The following GRIA4 variants were observed in gnomAD, a reference collection of about 807,000 sequenced individuals.
The protein encoded by GRIA4 is glutamate ionotropic receptor AMPA type subunit 4, also known as glutamate receptor 4.
A neutral mutation model predicts 104.0 loss-of-function variants in GRIA4; 34 were observed. That is an observed-to-expected ratio of 0.33 (90% confidence interval 0.25 to 0.44). The LOEUF (loss-of-function observed/expected upper bound fraction) is 0.44, where lower values mean the gene tolerates loss of function less well. GRIA4 is among the 20% of genes least tolerant of loss of function. The pLI is 1.00. For synonymous variants in GRIA4, 386 were observed against 381.9 expected (o/e 1.01, Z -0.13); for missense variants, 750 against 1,096.5 (o/e 0.68, Z 4.46).
chr11:105,787,676 C>A (rs919558668), intron 4 of GRIA4, among the ~76,000 whole-genome samples: 1 of 92 alleles, frequency 0.011, no homozygotes, highest in South Asian at 0.17. Flanking sequence ...GGTGTTTCAC[C>A]ATGTTGCCAG....
At chr11:105,869,870 C>T (rs1231641616) in intron 5 of GRIA4, among the ~76,000 whole-genome samples, 1 of 151,958 alleles carries the variant, frequency 6.6e-6, no homozygotes, top group African/African-American at 2.4e-5. Context: ...CAGATTTTCT[C>T]CAATCTCATA....
intron 16 of GRIA4, 69 bp from the exon 17 acceptor site, chr11:105,979,506 C>A: frequency 7.5e-7 from 1 of 1,331,386 alleles, no homozygotes; most frequent in Non-Finnish European, 1.1e-6. Context: ...TGTTGTGGAA[C>A]ATATTGTTGA....
At chr11:105,754,693 C>A (rs1021629068) in intron 4 of GRIA4, among the ~76,000 whole-genome samples, 22 of 152,144 alleles carry the variant, frequency 1.4e-4, no homozygotes, top group African/African-American at 5.3e-4. Context: ...TATTTAGTGA[C>A]TAGACTCATA....
chr11:105,632,066 T>C (rs1565417697), intron 3 of GRIA4, among the ~76,000 whole-genome samples: 1 of 152,152 alleles, frequency 6.6e-6, no homozygotes, highest in Non-Finnish European at 1.5e-5. Flanking sequence ...AATTCAGGAC[T>C]TTAGAAGCAA....
At chr11:105,669,314 A>G (rs910072749) in intron 3 of GRIA4, among the ~76,000 whole-genome samples, 4 of 152,040 alleles carry the variant, frequency 2.6e-5, no homozygotes, top group African/African-American at 9.7e-5. Context: ...TTTCTAATGT[A>G]TATGTAAATG....
At chr11:105,953,080 T>C (rs181225218) in intron 14 of GRIA4, among the ~76,000 whole-genome samples, 140 of 152,340 alleles carry the variant, frequency 9.2e-4, no homozygotes, top group Admixed American at 5.2e-3. Flanking sequence ...AGAAAAGTAA[T>C]AACACAGCTA....
At chr11:105,960,206 C>T (rs1948701380) in intron 14 of GRIA4, among the ~76,000 whole-genome samples, 1 of 152,212 alleles carries the variant, frequency 6.6e-6, no homozygotes, top group Admixed American at 6.5e-5. Context: ...CTCAGAACTA[C>T]CAGGAGGAGA....
chr11:105,713,624 A>C (rs1168890650), intron 3 of GRIA4, among the ~76,000 whole-genome samples: 1 of 152,152 alleles, frequency 6.6e-6, no homozygotes, highest in Non-Finnish European at 1.5e-5. Context: ...TGTGGGGATA[A>C]AAGCTTTCAA....
chr11:105,654,013 A>G (rs1206623372), intron 3 of GRIA4, among the ~76,000 whole-genome samples: 1 of 147,732 alleles, frequency 6.8e-6, no homozygotes, highest in East Asian at 2.0e-4. Context: ...AAAAAAAAAA[A>G]AAAAAAAAAA....
intron 16 of GRIA4, among the ~76,000 whole-genome samples, chr11:105,977,429 C>T (rs1285913289): frequency 2.0e-5 from 3 of 151,852 alleles, no homozygotes; most frequent in Non-Finnish European, 4.4e-5. Flanking sequence ...GGATTAGACT[C>T]GTGGATATTC....
At position 105,627,625 on chromosome 11, in the gene GRIA4, T is replaced by C. The variant is rs537736336; in HGVS notation, c.247+15191T>C. Reference sequence around the variant, plus strand: ...TTGTAAGACCCATTTTGGTATGTAATTCTGCTCACTGTTTTTCAGCAAGAA... The same window carrying C: ...TTGTAAGACCCATTTTGGTATGTAACTCTGCTCACTGTTTTTCAGCAAGAA... On this transcript the variant is annotated intron_variant, in intron 3 of 16. Transcript: ENST00000282499. 8.3e-4 allele frequency among the ~76,000 whole-genome samples: 126 copies of C among 152,310 alleles called. 1 individual carries two copies. The highest frequency in any genetic ancestry group is 3.0e-3 in the African/African-American group (124 of 41,578).
intron 14 of GRIA4, among the ~76,000 whole-genome samples, chr11:105,970,945 C>G (rs970964065): frequency 6.6e-6 from 1 of 152,076 alleles, no homozygotes. Context: ...TGATGTCCTC[C>G]TCCCTGAAAC....
chr11:105,623,663 A>G (rs955316140), intron 3 of GRIA4, among the ~76,000 whole-genome samples: 3 of 152,052 alleles, frequency 2.0e-5, no homozygotes, highest in Non-Finnish European at 4.4e-5. Flanking sequence ...CTCAGGTTAA[A>G]TGTCACCTTC....
chr11:105,775,202 C>T (rs535416976), intron 4 of GRIA4, among the ~76,000 whole-genome samples: 5 of 152,052 alleles, frequency 3.3e-5, no homozygotes, highest in Non-Finnish European at 5.9e-5. Context: ...ACAATTGTGA[C>T]GACAGAGCCA....
At chr11:105,933,614 G>T (rs1947947632) in intron 13 of GRIA4, 108 bp from the exon 14 acceptor site, 1 of 740,906 alleles carries the variant, frequency 1.3e-6, no homozygotes, top group Non-Finnish European at 2.2e-6. Context: ...ATTGGAGTTA[G>T]AGAGCAATGG....
intron 3 of GRIA4, among the ~76,000 whole-genome samples, chr11:105,659,790 T>C (rs1951951825): frequency 6.6e-6 from 1 of 151,830 alleles, no homozygotes; most frequent in Non-Finnish European, 1.5e-5. Flanking sequence ...CAGGAAAGCC[T>C]GTATCATAGG....
chr11:105,729,412 T>C (rs933617234), intron 3 of GRIA4, among the ~76,000 whole-genome samples: 2 of 152,154 alleles, frequency 1.3e-5, no homozygotes, highest in African/African-American at 4.8e-5. Flanking sequence ...CAGACCCAAT[T>C]TCTACCAGAG....
rs190848102 is a variant in GRIA4, at chr11:105,954,256, T to G, written c.2295-17658T>G. The stretch of plus-strand genomic sequence containing the variant: ...AAACCACATAATGAGGAACAATAAA[T>G]GTTTTTCTAAGAACTTTAAGAATAA... On this transcript the variant is annotated intron_variant, in intron 14 of 16. Transcript: ENST00000282499. Among the ~76,000 whole-genome samples the G allele has an allele frequency of 2.8e-3, 429 of 152,326 alleles. 3 individuals carry two copies. Among genetic ancestry groups the G allele is most frequent in the African/African-American group, 9.7e-3 (405 of 41,590 alleles).
Position 105,971,909 on chromosome 11 carries a change from T to C in GRIA4, c.2295-5T>C. On this transcript the variant is annotated splice_polypyrimidine_tract_variant and splice_region_variant and intron_variant, in intron 14 of 16. Transcript: ENST00000282499. Reference sequence around the variant, plus strand: ...AATGTTATTTATGTTATTTTCCACGTGAAGAACTCCTGTAAACCTTGCCGT... The same window carrying C: ...AATGTTATTTATGTTATTTTCCACGCGAAGAACTCCTGTAAACCTTGCCGT... 1 of 1,545,082 alleles carries C rather than the reference T, an allele frequency of 6.5e-7. No homozygotes were observed. The highest frequency in any genetic ancestry group is 8.9e-7 in the Non-Finnish European group (1 of 1,118,206).
Sources: allele counts gnomAD v4.1 joint callset (sites outside exome capture counted in the v4.1 genomes callset), GRCh38; gene constraint gnomAD v4.1.1; transcripts MANE v1.5; gene names NCBI Gene and HGNC (gene_info 2026-07-23, HGNC 2026-07-21).